Variants in NDUFAF6 observed in about 807,000 individuals in gnomAD.
The protein encoded by NDUFAF6 is NADH:ubiquinone oxidoreductase complex assembly factor 6.
Under a neutral mutation model 40.8 loss-of-function variants are expected in NDUFAF6, and 45 were observed. The ratio of observed to expected loss-of-function variants is 1.10; its 90% CI spans 0.87 to 1.42. The LOEUF (loss-of-function observed/expected upper bound fraction) is 1.42, where lower values mean the gene tolerates loss of function less well. NDUFAF6 is among the 40% of genes most tolerant of loss of function. The pLI is 0.00. For synonymous variants in NDUFAF6, 185 were observed against 155.9 expected, an observed-to-expected ratio of 1.19 and a Z score of -1.39; for missense variants, 435 against 418.5, an observed-to-expected ratio of 1.04 and a Z score of -0.34.
intron 1 of NDUFAF6, among the ~76,000 whole-genome samples, 157 bp from the exon 2 acceptor site, chr8:95,031,838 T>C (rs552150819): frequency 4.1e-4 from 62 of 152,356 alleles, no homozygotes; most frequent in African/African-American, 1.4e-3. Flanking sequence ...TGGCTTCAGG[T>C]GATCCGCCCG....
Position 95,057,794 on chromosome 8 carries a change from T to C in NDUFAF6, c.874-15T>C. 1 of 1,598,566 alleles carries C rather than the reference T, an allele frequency of 6.3e-7. No homozygotes were observed. The highest frequency in any genetic ancestry group is 1.1e-5 in the South Asian group (1 of 90,278). On this transcript the variant is annotated splice_polypyrimidine_tract_variant and intron_variant, in intron 8 of 8. Transcript: ENST00000396124. ...TCATTTTATGATCTGGTGATCACTA[T>C]TCTCTTTTTTCCAGGTTTCTCTAGA...
At chr8:94,921,877 T>C (rs1217091620) in intron 1 of NDUFAF6, among the ~76,000 whole-genome samples, 1 of 152,228 alleles carries the variant, frequency 6.6e-6, no homozygotes, top group African/African-American at 2.4e-5. Context: ...GGTCTCAAAG[T>C]GTATTCCCTG....
intron 9 of NDUFAF6, among the ~76,000 whole-genome samples, chr8:95,071,379 T>C (rs574506138): frequency 8.0e-4 from 100 of 125,584 alleles, no homozygotes; most frequent in African/African-American, 2.3e-3. Context: ...GCCTGGGCGA[T>C]AGAGCGAGAC....
At chr8:95,029,201 G>T (rs888441092) in intron 1 of NDUFAF6, among the ~76,000 whole-genome samples, 3 of 152,124 alleles carry the variant, frequency 2.0e-5, no homozygotes, top group Non-Finnish European at 4.4e-5. Context: ...TTATAAGAAG[G>T]TTCCAATGTA....
chr8:94,995,446 T>C (rs1826382626), intron 2 of NDUFAF6, among the ~76,000 whole-genome samples: 1 of 152,122 alleles, frequency 6.6e-6, no homozygotes, highest in African/African-American at 2.4e-5. Context: ...ATGGTTAGTG[T>C]TGAGTGTTTG....
At chr8:95,100,298 C>T (rs150153460), upstream of NDUFAF6, 1 of 151,492 alleles carries the variant, frequency 6.6e-6, no homozygotes, top group African/African-American at 2.4e-5. Flanking sequence ...AACAACAGTA[C>T]ATAGAAGACA....
At chr8:94,979,192 A>G (rs1377729694) in intron 1 of NDUFAF6, among the ~76,000 whole-genome samples, 1 of 152,126 alleles carries the variant, frequency 6.6e-6, no homozygotes, top group Non-Finnish European at 1.5e-5. Flanking sequence ...TCTCAGATGC[A>G]AATCCCCGCT....
intron 1 of NDUFAF6, among the ~76,000 whole-genome samples, chr8:94,962,434 A>G (rs1823652602): frequency 6.6e-6 from 1 of 152,194 alleles, no homozygotes; most frequent in Non-Finnish European, 1.5e-5. Flanking sequence ...CTAGGATTAC[A>G]GGCATGTGCC....
Position 95,048,505 on chromosome 8 carries a change from G to C in NDUFAF6, c.763G>C (p.Val255Leu). 1 of 1,614,170 alleles carries C rather than the reference G, an allele frequency of 6.2e-7. No individual in the cohort carries two copies. The highest frequency in any genetic ancestry group is 1.3e-5 in the African/African-American group (1 of 75,050). Residue 255 changes from valine to leucine, a missense_variant, in exon 7 of 9, where the codon GTG becomes CTG. Physicochemically the swap from Val to Leu is conservative, Grantham distance 32. Transcript: ENST00000396124. ...TCTACGGAGGAACCAAGATAAAAAT[G>C]TGAGAGATGTAATATATGACATTGC... ...DFLRRNQDKNVRDVIYDIASQ... is the reference protein window; with the variant it reads ...DFLRRNQDKNLRDVIYDIASQ...
At chr8:95,045,401 G>A (rs900973192) in intron 4 of NDUFAF6, 144 bp from the exon 5 acceptor site, 1 of 644,134 alleles carries the variant, frequency 1.6e-6, no homozygotes, top group East Asian at 2.8e-5. Flanking sequence ...CTTCAATATT[G>A]TAATGTTTTA....
intron 9 of NDUFAF6, among the ~76,000 whole-genome samples, chr8:95,073,861 T>G (rs1832952640): frequency 6.6e-6 from 1 of 152,146 alleles, no homozygotes; most frequent in African/African-American, 2.4e-5. Flanking sequence ...ATGTCCTAAT[T>G]TGAATCCTGA....
chr8:95,117,829 C>G (rs1315808618), downstream of NDUFAF6, among the ~76,000 whole-genome samples: 4 of 152,240 alleles, frequency 2.6e-5, no homozygotes, highest in African/African-American at 7.2e-5. Context: ...AAGAACAAAG[C>G]AGCCTGGATC....
intron 1 of NDUFAF6, among the ~76,000 whole-genome samples, chr8:95,025,836 A>G (rs1402823269): frequency 2.0e-5 from 3 of 152,180 alleles, no homozygotes; most frequent in Non-Finnish European, 2.9e-5. Context: ...TAGTGCTGGG[A>G]AGGCCTGGCA....
chr8:95,048,131 C>CT (rs947684683), intron 6 of NDUFAF6, among the ~76,000 whole-genome samples: 4 of 151,990 alleles, frequency 2.6e-5, no homozygotes, highest in Non-Finnish European at 5.9e-5. Flanking sequence ...GAGGTTGAGG[C>CT]TATAATGAGC....
intron 2 of NDUFAF6, among the ~76,000 whole-genome samples, chr8:94,982,066 A>G (rs996642103): frequency 6.6e-6 from 1 of 152,052 alleles, no homozygotes; most frequent in African/African-American, 2.4e-5. Context: ...CATCTCTACT[A>G]AAATACAAAA....
intron 4 of NDUFAF6, among the ~76,000 whole-genome samples, chr8:95,111,800 C>A (rs1218916309): frequency 6.6e-6 from 1 of 152,154 alleles, no homozygotes; most frequent in Non-Finnish European, 1.5e-5. Flanking sequence ...CAAGCCCAGA[C>A]TATAAAAGAA....
intron 2 of NDUFAF6, among the ~76,000 whole-genome samples, chr8:94,997,774 A>T (rs539432499): frequency 6.6e-6 from 1 of 152,348 alleles, no homozygotes; most frequent in East Asian, 1.9e-4. Context: ...GAATATTTTA[A>T]TGAGGTGAAG....
exon 1 of NDUFAF6, chr8:94,895,889 G>T (rs61537129): frequency 0.71 from 109,704 of 153,766 alleles, 39,561 homozygotes; most frequent in East Asian, 0.8. Context: ...GGCCTTGCGC[G>T]GCGCGCCCAG....
At chr8:95,025,343 G>T in intron 1 of NDUFAF6, 138 bp downstream of exon 1, 1 of 871,178 alleles carries the variant, frequency 1.1e-6, no homozygotes. Flanking sequence ...CGTTCTAGTG[G>T]GCGTCGGGTG....
Sources: gnomAD v4.1 joint callset for allele counts (sites outside exome capture counted in the v4.1 genomes callset) on GRCh38, gnomAD v4.1.1 for gene constraint, MANE v1.5 for transcripts, NCBI Gene and HGNC (gene_info 2026-07-23, HGNC 2026-07-21) for gene names.